The following WWC2 variants were observed in gnomAD, a reference collection of about 807,000 sequenced individuals.
The protein encoded by WWC2 is WW and C2 domain containing 2.
In WWC2, 101 loss-of-function variants were observed where a neutral mutation model predicts 138.5. The ratio of observed to expected loss-of-function variants is 0.73; its 90% CI spans 0.62 to 0.86. WWC2 has a LOEUF of 0.86. Ranked by LOEUF, WWC2 falls within the 40% of genes least tolerant of loss-of-function variation. WWC2 has a pLI of 0.00. For synonymous variants in WWC2, 558 were observed against 538.4 expected, an observed-to-expected ratio of 1.04 and a Z score of -0.50; for missense variants, 1,420 against 1,419.4, an observed-to-expected ratio of 1.00 and a Z score of -0.01.
At chr4:183,253,436 G>A (rs992841082) in intron 8 of WWC2, among the ~76,000 whole-genome samples, 1 of 152,126 alleles carries the variant, frequency 6.6e-6, no homozygotes, top group African/African-American at 2.4e-5. Flanking sequence ...CTGGCCTCTC[G>A]TGGCGCCCAG....
At chr4:183,116,859 C>A (rs1732428426) in intron 1 of WWC2, among the ~76,000 whole-genome samples, 1 of 152,170 alleles carries the variant, frequency 6.6e-6, no homozygotes. Flanking sequence ...ATTTATCCTG[C>A]CTTGCAAGAT....
At chr4:183,105,714 C>T (rs1305353709) in intron 1 of WWC2, among the ~76,000 whole-genome samples, 4 of 152,072 alleles carry the variant, frequency 2.6e-5, no homozygotes, top group African/African-American at 9.7e-5. Flanking sequence ...CACAGTGAAA[C>T]CCTGTCTCTA....
chr4:183,153,075 A>G (rs751785080), intron 1 of WWC2, among the ~76,000 whole-genome samples: 19 of 151,922 alleles, frequency 1.3e-4, no homozygotes, highest in Non-Finnish European at 2.5e-4. Flanking sequence ...AAAAAAATAT[A>G]TATAGTTTTT....
At chr4:183,201,986 C>T (rs753705097) in intron 2 of WWC2, among the ~76,000 whole-genome samples, 2 of 152,022 alleles carry the variant, frequency 1.3e-5, no homozygotes, top group Non-Finnish European at 2.9e-5. Context: ...CATTCTGGGC[C>T]ACATAGTGGG....
intron 1 of WWC2, among the ~76,000 whole-genome samples, chr4:183,111,903 G>T (rs751996086): frequency 1.3e-5 from 2 of 152,038 alleles, no homozygotes; most frequent in Non-Finnish European, 2.9e-5. Flanking sequence ...TCGCCATGTT[G>T]CCCAGGCTGG....
chr4:183,304,500 C>A (rs1451571917), intron 21 of WWC2, among the ~76,000 whole-genome samples: 1 of 152,152 alleles, frequency 6.6e-6, no homozygotes, highest in Non-Finnish European at 1.5e-5. Context: ...TTGAAACACA[C>A]AAAAGCATTC....
intron 4 of WWC2, among the ~76,000 whole-genome samples, chr4:183,212,117 G>A (rs981643932): frequency 2.6e-5 from 4 of 152,118 alleles, no homozygotes; most frequent in African/African-American, 2.4e-5. Flanking sequence ...CACGGCGCCC[G>A]GCCTCTTTTG....
intron 21 of WWC2, among the ~76,000 whole-genome samples, chr4:183,300,397 T>A (rs1480124660): frequency 6.6e-6 from 1 of 151,916 alleles, no homozygotes; most frequent in Non-Finnish European, 1.5e-5. Context: ...AATTTTATGG[T>A]GCTAGACTGC....
At position 183,320,488 on chromosome 4, in the gene WWC2, T is replaced by C. The variant is rs1739608230; in HGVS notation, c.*4759T>C. On this transcript the variant is annotated 3_prime_UTR_variant, in exon 23 of 23. Transcript: ENST00000403733. ...GCTGGATTTGACAGAAAGCAGTTTG[T>C]CACTGAAATATAATTAAGTGATAAT... 1 of 470,600 alleles carries C rather than the reference T, an allele frequency of 2.1e-6. No homozygotes were observed. The highest frequency in any genetic ancestry group is 3.8e-6 in the Non-Finnish European group (1 of 260,198). 29.2% of individuals were successfully genotyped at this position (470,600 alleles called of 1,614,324 possible).
chr4:183,296,933 C>CAAAAAA (rs776211338), intron 21 of WWC2, among the ~76,000 whole-genome samples: 2 of 70,766 alleles, frequency 2.8e-5, no homozygotes, highest in African/African-American at 6.3e-5. Context: ...GACTCCGTCT[C>CAAAAAA]AAAAAAAAAA....
At position 183,284,222 on chromosome 4, in the gene WWC2, A is replaced by G. The variant is rs369065203; in HGVS notation, c.2884-4A>G. The stretch of plus-strand genomic sequence containing the variant: ...TCCTGACAAATTGTTAACTTCTCTT[A>G]TAGGTTGACAAAGAGACAAACACTG... On this transcript the variant is annotated splice_region_variant and splice_polypyrimidine_tract_variant and intron_variant, in intron 18 of 22. Transcript: ENST00000403733. 3 of 1,613,034 alleles carry G rather than the reference A, an allele frequency of 1.9e-6. No homozygotes were observed. Among genetic ancestry groups the G allele is most frequent in the African/African-American group, 2.7e-5 (2 of 74,924 alleles).
At chr4:183,275,526 G>A (rs1461419672) in intron 16 of WWC2, among the ~76,000 whole-genome samples, 2 of 152,102 alleles carry the variant, frequency 1.3e-5, no homozygotes, top group African/African-American at 4.8e-5. Flanking sequence ...AAAGGCCGTT[G>A]GATTTGTAAA....
At chr4:183,108,324 C>G (rs1221225531) in intron 1 of WWC2, among the ~76,000 whole-genome samples, 3 of 152,090 alleles carry the variant, frequency 2.0e-5, no homozygotes, top group African/African-American at 7.2e-5. Context: ...GGCATTTTAT[C>G]TTTGTGGTCT....
intron 19 of WWC2, among the ~76,000 whole-genome samples, chr4:183,284,761 A>G (rs925827145): frequency 1.5e-4 from 23 of 152,184 alleles, no homozygotes; most frequent in African/African-American, 5.1e-4. Context: ...CCTTCAAACC[A>G]TGTTTGTCTT....
chr4:183,232,840 G>T (rs1332021052), intron 4 of WWC2, among the ~76,000 whole-genome samples: 1 of 151,980 alleles, frequency 6.6e-6, no homozygotes, highest in Non-Finnish European at 1.5e-5. Context: ...TAAAGACAGG[G>T]TTTTGCTATG....
At chr4:183,312,571 A>G (rs1444418622) in intron 22 of WWC2, 103 bp downstream of exon 22, 8 of 1,522,746 alleles carry the variant, frequency 5.3e-6, no homozygotes, top group Non-Finnish European at 7.2e-6. Context: ...GATCCGAGAC[A>G]GAAGTCCTCT....
chr4:183,251,557 T>C (rs942153763), intron 8 of WWC2, among the ~76,000 whole-genome samples: 1 of 152,168 alleles, frequency 6.6e-6, no homozygotes. Context: ...GCTCCCCAAA[T>C]TTGGAACACT....
At chr4:183,313,870 G>A (rs565770190) in intron 22 of WWC2, among the ~76,000 whole-genome samples, 1 of 150,212 alleles carries the variant, frequency 6.7e-6, no homozygotes, top group South Asian at 2.1e-4. Context: ...ACACTAGATG[G>A]TTTCAGCCCC....
intron 1 of WWC2, among the ~76,000 whole-genome samples, chr4:183,106,485 A>G (rs1244551034): frequency 6.6e-6 from 1 of 152,100 alleles, no homozygotes; most frequent in African/African-American, 2.4e-5. Flanking sequence ...TTTTTAGTAT[A>G]TTCATTGTTA....
Sources: gnomAD v4.1 joint callset for allele counts (sites outside exome capture counted in the v4.1 genomes callset) on GRCh38, gnomAD v4.1.1 for gene constraint, MANE v1.5 for transcripts, NCBI Gene and HGNC (gene_info 2026-07-23, HGNC 2026-07-21) for gene names.